The following LRRK1 variants were observed in gnomAD, a reference collection of about 807,000 sequenced individuals.
LRRK1 encodes the protein leucine rich repeat kinase 1.
In LRRK1, 113 loss-of-function variants were observed where a neutral mutation model predicts 209.1. That is an observed-to-expected ratio of 0.54 (90% CI 0.46 to 0.63). The LOEUF is 0.63. Ranked by LOEUF, LRRK1 falls within the 30% of genes least tolerant of loss-of-function variation. The probability of loss-of-function intolerance (pLI) is 0.00; values close to 1 mark genes in which losing one functional copy is unlikely to be tolerated. For synonymous variants in LRRK1, 1,144 were observed against 1,099.7 expected (o/e 1.04, Z -0.80); for missense variants, 2,284 against 2,632.2 (o/e 0.87, Z 2.89).
intron 3 of LRRK1, among the ~76,000 whole-genome samples, chr15:100,980,562 C>T (rs2031543684): frequency 1.3e-5 from 2 of 152,186 alleles, no homozygotes; most frequent in Non-Finnish European, 2.9e-5. Context: ...TATATACATA[C>T]ATTGTACTAA....
chr15:100,932,468 T>C (rs1305046902), intron 2 of LRRK1, among the ~76,000 whole-genome samples: 1 of 152,236 alleles, frequency 6.6e-6, no homozygotes, highest in Non-Finnish European at 1.5e-5. Flanking sequence ...TTCATCAATG[T>C]CTTATTAAAG....
intron 21 of LRRK1, among the ~76,000 whole-genome samples, chr15:101,047,075 CTT>C (rs764938031): frequency 6.6e-6 from 1 of 152,218 alleles, no homozygotes; most frequent in Non-Finnish European, 1.5e-5. Flanking sequence ...TTCTGACACA[CTT>C]TTGGTTTTGC....
intron 2 of LRRK1, among the ~76,000 whole-genome samples, chr15:100,942,785 A>G (rs1596176029): frequency 6.6e-6 from 1 of 152,278 alleles, no homozygotes; most frequent in African/African-American, 2.4e-5. Flanking sequence ...AGCAAGGCTG[A>G]CGATGGGTGC....
At position 101,055,151 on chromosome 15, in the gene LRRK1, C is replaced by T. The variant is rs201651735; in HGVS notation, c.4260C>T (p.Gly1420=). The T allele has an allele frequency of 1.1e-5, 17 of 1,612,364 alleles. No homozygotes were observed. The highest frequency in any genetic ancestry group is 5.0e-5 in the Admixed American group (3 of 59,796). Residue 1420 remains glycine (G), a synonymous_variant, in exon 27 of 34, where the codon GGC becomes GGT. Coordinates refer to ENST00000388948, the MANE Select transcript of LRRK1 (RefSeq NM_024652.6). ...YGISRQSFHE[G]ALGVEGTPGY... ...TTTCGAGGCAGTCATTCCATGAGGG[C>T]GCCCTAGGCGTGGAGGGCACTCCTG...
chr15:100,934,802 C>CAA (rs56258040), intron 2 of LRRK1, among the ~76,000 whole-genome samples: 15 of 53,398 alleles, frequency 2.8e-4, no homozygotes, highest in Middle Eastern at 0.014. Context: ...GAAACTGTCT[C>CAA]AAAAAAAAAA....
rs147900013 is a variant in LRRK1, at chr15:101,023,793, G to A, written c.2068-1010G>A. ...AACTTGGAAGCTGGTCCTCCAAGGG[G>A]TGAAGCGCTGCCTGTTGGGGCCAGA... On this transcript the variant is annotated intron_variant, in intron 15 of 33. Transcript: ENST00000388948. 4.5e-4 allele frequency among the ~76,000 whole-genome samples: 68 copies of A among 152,348 alleles called. 4 individuals are homozygous for A. The East Asian group carries it at 7.5e-3, about 17-fold the overall frequency.
chr15:101,028,271 G>A (rs997022395), intron 19 of LRRK1, among the ~76,000 whole-genome samples: 6 of 152,230 alleles, frequency 3.9e-5, no homozygotes, highest in Admixed American at 3.9e-4. Flanking sequence ...GTGTGTTGCT[G>A]CGTAAAGATG....
At chr15:101,010,218 G>C (rs1356191475) in intron 7 of LRRK1, among the ~76,000 whole-genome samples, 1 of 152,136 alleles carries the variant, frequency 6.6e-6, no homozygotes, top group East Asian at 1.9e-4. Flanking sequence ...ATCCCTGTTG[G>C]TCAGTGGAGC....
At chr15:100,958,237 A>G (rs1394983360) in intron 2 of LRRK1, among the ~76,000 whole-genome samples, 1 of 152,218 alleles carries the variant, frequency 6.6e-6, no homozygotes, top group Non-Finnish European at 1.5e-5. Context: ...TAGGTTAAGC[A>G]GCATTTTTAA....
Position 100,950,918 on chromosome 15 carries a change from A to T in LRRK1, c.98-22886A>T, listed in dbSNP as rs568560145. On this transcript the variant is annotated intron_variant, in intron 2 of 33. Coordinates refer to ENST00000388948, the MANE Select transcript of LRRK1 (RefSeq NM_024652.6). The stretch of plus-strand genomic sequence containing the variant: ...GGAGATCGAGACCATCCTGGCTAAC[A>T]CGGTGAAACGCCATCTCTACTAAAA... Among the ~76,000 whole-genome samples the T allele has an allele frequency of 1.2e-4, 19 of 152,234 alleles. No homozygotes were observed. In the East Asian group the frequency reaches 2.1e-3, roughly 17 times the overall value.
At chr15:101,014,464 A>AGC (rs1297285708) in intron 11 of LRRK1, 36 bp downstream of exon 11, 4 of 1,425,156 alleles carry the variant, frequency 2.8e-6, no homozygotes, top group Non-Finnish European at 4.0e-6. Context: ...CCAGTTCCAA[A>AGC]GCGTGTGTGG....
chr15:100,919,367 G>T lies in LRRK1; in HGVS notation c.-207G>T. 6.6e-6 allele frequency: 1 copy of T among 150,970 alleles called. No homozygotes were observed. The highest frequency in any genetic ancestry group is 1.9e-4 in the South Asian group (1 of 5,374). The allele number at this position is 150,970 out of a possible 1,614,324, so 9.4% of individuals were successfully genotyped here. Reference sequence around the variant, plus strand: ...CCCGGCGCGGGGGGCAGACGGCGGTGGGACGGCCAGGCCCCGGCCCCGCCA... The same window carrying T: ...CCCGGCGCGGGGGGCAGACGGCGGTTGGACGGCCAGGCCCCGGCCCCGCCA... On this transcript the variant is annotated 5_prime_UTR_variant, in exon 1 of 34. Transcript: ENST00000388948. The surrounding 1 kb of genome is among the most constrained non-coding windows in gnomAD (Gnocchi z 5.8).
At chr15:101,062,730 C>T in intron 31 of LRRK1, 40 bp downstream of exon 31, 2 of 1,422,198 alleles carry the variant, frequency 1.4e-6, no homozygotes, top group Non-Finnish European at 2.0e-6. Context: ...GTCTCTGATG[C>T]ACTTCCACGC....
In LRRK1 at chr15:101,038,163, A is replaced by G. The variant is rs555989648; in HGVS notation, c.2964-7818A>G. On this transcript the variant is annotated intron_variant, in intron 20 of 33. Transcript: ENST00000388948. ...ATGTTCCAAATTATAATTGGGAGTT[A>G]AGCTATGAGAATGCAAAGGCATAAG... Among the ~76,000 whole-genome samples, 3 of 152,342 alleles carry G rather than the reference A, an allele frequency of 2.0e-5. No individual in the cohort carries two copies. In the East Asian group the frequency reaches 5.8e-4, roughly 29 times the overall value.
At chr15:101,048,860 T>A (rs2035232198) in intron 22 of LRRK1, among the ~76,000 whole-genome samples, 3 of 152,180 alleles carry the variant, frequency 2.0e-5, no homozygotes, top group African/African-American at 7.2e-5. Flanking sequence ...TGAGCCCCCC[T>A]TGCAGGACGG....
chr15:100,956,515 G>C (rs1310092038), intron 2 of LRRK1, among the ~76,000 whole-genome samples: 29 of 130,354 alleles, frequency 2.2e-4, no homozygotes, highest in African/African-American at 8.1e-4. Flanking sequence ...TGGAGGGCTG[G>C]AGTGCAGTGG....
At chr15:101,063,824 A>G (rs2036349132) in intron 31 of LRRK1, among the ~76,000 whole-genome samples, 2 of 147,622 alleles carry the variant, frequency 1.4e-5, no homozygotes, top group African/African-American at 5.0e-5. Flanking sequence ...AAAAAAAAAA[A>G]CAGGTATGAA....
intron 22 of LRRK1, 76 bp from the exon 23 acceptor site, chr15:101,049,568 C>A: frequency 6.5e-7 from 1 of 1,547,306 alleles, no homozygotes. Context: ...GGTTCCTGTC[C>A]CTGGGGGTAG....
chr15:100,939,142 T>G (rs1567189252), intron 2 of LRRK1, among the ~76,000 whole-genome samples: 1 of 152,188 alleles, frequency 6.6e-6, no homozygotes, highest in Non-Finnish European at 1.5e-5. Flanking sequence ...AGTGTTCAAA[T>G]GTCCTGCATT....
Sources: allele counts gnomAD v4.1 joint callset (sites outside exome capture counted in the v4.1 genomes callset), GRCh38; gene constraint gnomAD v4.1.1; non-coding constraint Gnocchi (gnomAD v3.1); transcripts MANE v1.5; gene names NCBI Gene and HGNC (gene_info 2026-07-23, HGNC 2026-07-21).